The following ADAMTS7 variants were observed in gnomAD, a reference collection of about 807,000 sequenced individuals.
ADAMTS7 encodes the protein A disintegrin and metalloproteinase with thrombospondin motifs 7.
In ADAMTS7, 89 loss-of-function variants were observed where a neutral mutation model predicts 172.6. The ratio of observed to expected loss-of-function variants is 0.52; its 90% confidence interval spans 0.43 to 0.61. The LOEUF (loss-of-function observed/expected upper bound fraction) is 0.61, where lower values mean the gene tolerates loss of function less well. Ranked by LOEUF, ADAMTS7 falls within the 20% of genes least tolerant of loss-of-function variation. The pLI, the probability that ADAMTS7 is intolerant of heterozygous loss-of-function variation, is 0.00. For missense variants in ADAMTS7, 1,973 were observed against 2,355.6 expected, an observed-to-expected ratio of 0.84 and a Z score of 3.36; for synonymous variants, 885 against 978.4, an observed-to-expected ratio of 0.90 and a Z score of 1.78.
rs767624945 is a variant in ADAMTS7 at position 78,765,638 on chromosome 15, C to G, written c.4266+7G>C. The G allele has an allele frequency of 6.2e-7, 1 of 1,606,796 alleles. No homozygotes were observed. The highest frequency in any genetic ancestry group is 8.5e-7 in the Non-Finnish European group (1 of 1,177,794). The stretch of plus-strand genomic sequence containing the variant: ...AACTCCCTGCCCGCCCAGCCCACAC[C>G]ACTTGCCTCGCTCCAGTTTCCCGCT... On this transcript the variant is annotated splice_region_variant and intron_variant, in intron 19 of 23. Transcript: ENST00000388820.
rs201848988 is a variant in ADAMTS7, at chr15:78,800,217, G to T, written c.431C>A (p.Ala144Glu). The T allele has an allele frequency of 3.1e-6, 5 of 1,593,994 alleles. No individual in the cohort carries two copies. Among genetic ancestry groups the T allele is most frequent in the African/African-American group, 1.3e-5 (1 of 74,496 alleles). ...CAGGCCGTCGCAGGCGCTGATGGCC[G>T]CCAGGCCACCCTCGAGCTCAGGGTC... The part of the protein sequence containing the change: ...VQDPELEGGL[A>E]AISACDGLKG... Residue 144 changes from alanine to glutamate, a missense_variant, in exon 2 of 24, where the codon GCG (alanine) becomes GAG (glutamate). Transcript: ENST00000388820.
Position 78,774,196 on chromosome 15 carries a change from G to A in ADAMTS7, c.1981C>T (p.Arg661Trp), listed in dbSNP as rs774625747. 52 of 1,590,702 alleles carry A rather than the reference G, an allele frequency of 3.3e-5. No homozygotes were observed. The highest frequency in any genetic ancestry group is 1.3e-4 in the East Asian group (6 of 44,616). The change falls in exon 13 of 24, where the codon CGG becomes TGG. Residue 661 changes from arginine (R) to tryptophan (W), a missense_variant. Physicochemically the swap from Arg to Trp is moderately radical, Grantham distance 101. Transcript: ENST00000388820. ...GTPCYQVRAS[R>W]DLCINGICKN... ...CAGATGCCGTTGATGCAGAGGTCCC[G>A]GCTGGCTCGGACCTGGTAGCAGGGG...
At chr15:78,772,307 G>A (rs1344471658) in intron 14 of ADAMTS7, among the ~76,000 whole-genome samples, 1 of 152,212 alleles carries the variant, frequency 6.6e-6, no homozygotes, top group Non-Finnish European at 1.5e-5. Context: ...TTTTACAGAT[G>A]AGCAAAGTGA....
chr15:78,763,648 C>T, intron 22 of ADAMTS7, 51 bp downstream of exon 22: 1 of 1,501,140 alleles, frequency 6.7e-7, no homozygotes. Flanking sequence ...CCAAGACTGA[C>T]CAGGCGCCAC....
intron 1 of ADAMTS7, among the ~76,000 whole-genome samples, chr15:78,808,767 T>C (rs2055829270): frequency 6.6e-6 from 1 of 152,164 alleles, no homozygotes. Flanking sequence ...AGAGTTCAAG[T>C]GACAGTGGGA....
At chr15:78,791,637 A>G (rs940949875) in intron 4 of ADAMTS7, among the ~76,000 whole-genome samples, 4 of 152,206 alleles carry the variant, frequency 2.6e-5, no homozygotes, top group African/African-American at 9.6e-5. Flanking sequence ...CAGGGCTATG[A>G]TAGCAGTGCC....
At position 78,767,586 on chromosome 15, in the gene ADAMTS7, C is replaced by A; in HGVS notation, c.2652G>T (p.Trp884Cys). The A allele has an allele frequency of 6.5e-7, 1 of 1,542,856 alleles. No individual in the cohort carries two copies. ...TGGAGCACAGCTGCCACTCACCTGC[C>A]CACCACCTGGCGAGGGCACACAGGT... ...CSEQPCPARW[W>C]AGEWQLCSSS... The change falls in exon 18 of 24, where the codon TGG (tryptophan) becomes TGT (cysteine). Residue 884 changes from tryptophan (W) to cysteine (C), a missense_variant. Coordinates refer to ENST00000388820, the MANE Select transcript of ADAMTS7 (RefSeq NM_014272.5).
At chr15:78,799,684 C>A (rs1212925009) in intron 2 of ADAMTS7, among the ~76,000 whole-genome samples, 2 of 152,100 alleles carry the variant, frequency 1.3e-5, no homozygotes, top group African/African-American at 4.8e-5. Context: ...AAAATGGGAT[C>A]TCTGGACCTG....
chr15:78,782,324 C>A (rs1301452482), intron 8 of ADAMTS7, among the ~76,000 whole-genome samples: 1 of 151,946 alleles, frequency 6.6e-6, no homozygotes, highest in Non-Finnish European at 1.5e-5. Context: ...AGCCACCGTG[C>A]CTGGCCAGTC....
intron 13 of ADAMTS7, among the ~76,000 whole-genome samples, 182 bp downstream of exon 13, chr15:78,773,984 TG>T (rs2055295826): frequency 6.6e-6 from 1 of 152,034 alleles, no homozygotes; most frequent in Non-Finnish European, 1.5e-5. Flanking sequence ...GGGTACGGGC[TG>T]GGAAGCCCGA....
At chr15:78,787,781 G>A (rs2055524238) in intron 8 of ADAMTS7, among the ~76,000 whole-genome samples, 2 of 152,086 alleles carry the variant, frequency 1.3e-5, no homozygotes, top group African/African-American at 2.4e-5. Context: ...GTCTCTGACC[G>A]GACCTTGTGG....
At chr15:78,795,732 T>C (rs2055634176) in intron 4 of ADAMTS7, among the ~76,000 whole-genome samples, 1 of 152,160 alleles carries the variant, frequency 6.6e-6, no homozygotes, top group Non-Finnish European at 1.5e-5. Flanking sequence ...ACCAGGTGGC[T>C]GCTAAGAATG....
At position 78,777,151 on chromosome 15, in the gene ADAMTS7, C is replaced by A. The variant is rs985476477; in HGVS notation, c.1467+293G>T. On this transcript the variant is annotated intron_variant, in intron 9 of 23. Transcript: ENST00000388820. Reference sequence around the variant, plus strand: ...GGCGATCTTCGCCAGGATAAACAGACCCTCTCCACAGGGGTTCCTTTTCCC... The same window carrying A: ...GGCGATCTTCGCCAGGATAAACAGAACCTCTCCACAGGGGTTCCTTTTCCC... 19 of 565,948 alleles carry A rather than the reference C, an allele frequency of 3.4e-5. No homozygotes were observed. In the African/African-American group the frequency reaches 3.4e-4, roughly 10 times the overall value. The allele number at this position is 565,948 out of a possible 1,614,324, so 35.1% of individuals were successfully genotyped here.
At position 78,766,739 on chromosome 15, in the gene ADAMTS7, C is replaced by A. The variant is rs62012621; in HGVS notation, c.3172G>T (p.Val1058Leu). ...TCGTAGTAGAAGTCGTCCACAAACA[C>A]GGGCCCCGGCAGGTCCAGCTCTGGA... ...EAPELDLPGP[V>L]FVDDFYYDYN... Residue 1058 changes from valine (V) to leucine (L), a missense_variant, in exon 19 of 24, where the codon GTG becomes TTG. By Grantham distance (32) the Val-to-Leu change is conservative (BLOSUM62 1). Around this residue, in one of 8 missense-constraint regions of ADAMTS7, gnomAD observed 771 missense variants for 952.6 expected, o/e 0.81. Coordinates refer to ENST00000388820, the MANE Select transcript of ADAMTS7 (RefSeq NM_014272.5). The A allele has an allele frequency of 3.7e-6, 6 of 1,610,584 alleles. No individual in the cohort carries two copies. The South Asian group carries it at 6.6e-5, about 18-fold the overall frequency.
At chr15:78,799,571 A>G (rs1306925279) in intron 2 of ADAMTS7, among the ~76,000 whole-genome samples, 1 of 143,668 alleles carries the variant, frequency 7.0e-6, no homozygotes, top group African/African-American at 2.5e-5. Flanking sequence ...CCTGGAGAAA[A>G]GCAGCCTAAA....
At position 78,807,426 on chromosome 15, in the gene ADAMTS7, A is replaced by T. The variant is rs76257233; in HGVS notation, c.100+3695T>A. Among the ~76,000 whole-genome samples, 4,929 of 152,308 alleles carry T rather than the reference A, an allele frequency of 0.032. 573 individuals carry two copies. The East Asian group carries it at 0.38, about 12-fold the overall frequency. ...TATTGCAAGACAGAAATTCCAGATG[A>T]CTTACAAAGAAGCATCCTATTAAGT... On this transcript the variant is annotated intron_variant, in intron 1 of 23. Coordinates refer to ENST00000388820, the MANE Select transcript of ADAMTS7 (RefSeq NM_014272.5).
rs767066357 is a variant in ADAMTS7, at chr15:78,771,647, G to A, written c.2314C>T (p.Arg772Cys). 1.4e-5 allele frequency: 22 copies of A among 1,602,084 alleles called. No homozygotes were observed. In the Admixed American group the frequency reaches 2.5e-4, roughly 18 times the overall value. ...QVAGTTFTYA[R>C]RGNWENLTSP... is the part of the protein sequence containing the mutation. ...GTGAGGTTCTCCCAGTTGCCCCTGC[G>A]TGCGTATGTGAAGGTGGTCCCTGCC... The change falls in exon 15 of 24, where the codon CGC becomes TGC. Residue 772 changes from arginine (R) to cysteine (C), a missense_variant. Physicochemically the swap from Arg to Cys is radical, Grantham distance 180. This residue lies in a region of ADAMTS7 where 771 missense variants were observed against 952.6 expected (regional missense o/e 0.81). Transcript: ENST00000388820. The surrounding 1 kb of genome is among the most constrained non-coding windows in gnomAD (Gnocchi z 4.9).
In ADAMTS7 at chr15:78,796,593, G is replaced by A. The variant is rs1298686650; in HGVS notation, c.816C>T (p.Asn272=). Residue 272 remains asparagine, a synonymous_variant, in exon 4 of 24, where the codon AAC becomes AAT. Transcript: ENST00000388820. Reference sequence around the variant, plus strand: ...CTCCTGGCCCACACAGACTCACCATGTTCATGATGGTCAGCACATAGCTCT... The same window carrying A: ...CTCCTGGCCCACACAGACTCACCATATTCATGATGGTCAGCACATAGCTCT... The part of the protein sequence containing the change: ...QVESYVLTIM[N]MVAGLFHDPS... 13 of 1,611,300 alleles carry A rather than the reference G, an allele frequency of 8.1e-6. No individual in the cohort carries two copies. The Admixed American group carries it at 2.0e-4, about 25-fold the overall frequency.
At chr15:78,807,077 G>A (rs1007767103) in intron 1 of ADAMTS7, among the ~76,000 whole-genome samples, 3 of 152,200 alleles carry the variant, frequency 2.0e-5, no homozygotes, top group Non-Finnish European at 4.4e-5. Flanking sequence ...TCCAACACTT[G>A]TTTTAAGTGA....
Sources: gnomAD v4.1 joint callset for allele counts (sites outside exome capture counted in the v4.1 genomes callset) on GRCh38, gnomAD v4.1.1 for gene constraint, gnomAD v4.1.1 regional missense constraint, Gnocchi (gnomAD v3.1) non-coding constraint, MANE v1.5 for transcripts, NCBI Gene and HGNC (gene_info 2026-07-23, HGNC 2026-07-21) for gene names.